ARNT2: variants seen among roughly 807,000 people sequenced by gnomAD.
ARNT2 encodes ARNT protein 2.
In ARNT2, 36 loss-of-function variants were observed where a neutral mutation model predicts 91.7. That is an observed-to-expected ratio of 0.39 (90% CI 0.30 to 0.52). The LOEUF is 0.52. Ranked by LOEUF, ARNT2 falls within the 20% of genes least tolerant of loss-of-function variation. ARNT2 has a pLI of 0.72. For missense variants in ARNT2, 775 were observed against 939.3 expected, an observed-to-expected ratio of 0.83 and a Z score of 2.29; for synonymous variants, 365 against 347.1, an observed-to-expected ratio of 1.05 and a Z score of -0.57.
chr15:80,576,776 C>G (rs968690155), intron 14 of ARNT2, 90 bp from the exon 15 acceptor site: 2 of 1,388,926 alleles, frequency 1.4e-6, no homozygotes, highest in African/African-American at 2.8e-5. Context: ...CGTTCCCACG[C>G]CCACCCCTGC....
intron 8 of ARNT2, among the ~76,000 whole-genome samples, chr15:80,535,272 G>A (rs2141445055): frequency 6.6e-6 from 1 of 152,282 alleles, no homozygotes; most frequent in African/African-American, 2.4e-5. Flanking sequence ...ACACGTGATT[G>A]CTGTTTTTGC....
intron 8 of ARNT2, among the ~76,000 whole-genome samples, chr15:80,530,121 A>G (rs1402788730): frequency 6.6e-6 from 1 of 152,138 alleles, no homozygotes; most frequent in East Asian, 1.9e-4. Flanking sequence ...TCGAGAGGTC[A>G]CTATGTGGTT....
In ARNT2 at chr15:80,581,395, C is replaced by G. The variant is rs542043974; in HGVS notation, c.1909C>G (p.Pro637Ala). 20 of 1,614,016 alleles carry G rather than the reference C, an allele frequency of 1.2e-5. No individual in the cohort carries two copies. Among genetic ancestry groups the G allele is most frequent in the Admixed American group, 1.0e-4 (6 of 59,994 alleles). ...NAYSSLANRT[P>A]GFAESGQSSG... ...CTACTCCAGTCTTGCCAACAGGACT[C>G]CAGGGTTCGGTAGGTGGGGAATGAG... The change falls in exon 17 of 19, where the codon CCA (proline) becomes GCA (alanine). Residue 637 changes from proline to alanine, a missense_variant. Physicochemically the swap from Pro to Ala is conservative, Grantham distance 27. This residue lies in a region of ARNT2 where 325 missense variants were observed against 359.9 expected (regional missense o/e 0.90). Coordinates refer to ENST00000303329, the MANE Select transcript of ARNT2 (RefSeq NM_014862.4).
At chr15:80,408,956 G>T (rs562739785) in intron 1 of ARNT2, among the ~76,000 whole-genome samples, 1 of 152,176 alleles carries the variant, frequency 6.6e-6, no homozygotes, top group South Asian at 2.1e-4. Flanking sequence ...AAAATTGAAA[G>T]GAAGGCACAG....
At chr15:80,529,125 T>G (rs991208148) in intron 8 of ARNT2, among the ~76,000 whole-genome samples, 3 of 152,240 alleles carry the variant, frequency 2.0e-5, no homozygotes, top group African/African-American at 7.2e-5. Flanking sequence ...ATTTCATGAC[T>G]TCTTGCAAGG....
At chr15:80,544,246 G>A (rs1897956663) in intron 8 of ARNT2, among the ~76,000 whole-genome samples, 1 of 152,156 alleles carries the variant, frequency 6.6e-6, no homozygotes, top group Non-Finnish European at 1.5e-5. Context: ...TTCATTATGG[G>A]TTGTATTTTC....
intron 5 of ARNT2, among the ~76,000 whole-genome samples, chr15:80,500,894 G>T (rs1287737496): frequency 2.0e-5 from 3 of 152,238 alleles, no homozygotes; most frequent in Non-Finnish European, 4.4e-5. Context: ...GATTTGGGCT[G>T]CAGGAAGTAC....
At position 80,548,406 on chromosome 15, in the gene ARNT2, A is replaced by AT. The variant is rs34558743; in HGVS notation, c.878-2791dup. 4.8e-3 allele frequency among the ~76,000 whole-genome samples: 724 copies of AT among 152,298 alleles called. 4 individuals are homozygous for AT. Among genetic ancestry groups the AT allele is most frequent in the Middle Eastern group, 0.024 (7 of 294 alleles). ...AATAATGCCCACTATCTCTACTACT[A>AT]TTCACAATTATAATAGACATATTAT... is the stretch of plus-strand genomic sequence containing the variant. On this transcript the variant is annotated intron_variant, in intron 8 of 18. Coordinates refer to ENST00000303329, the MANE Select transcript of ARNT2 (RefSeq NM_014862.4).
intron 1 of ARNT2, among the ~76,000 whole-genome samples, chr15:80,422,895 A>T (rs371725668): frequency 9.3e-4 from 142 of 152,330 alleles, no homozygotes; most frequent in African/African-American, 3.2e-3. Context: ...GTTAACCATG[A>T]TTATCACTTT....
chr15:80,549,352 T>TA (rs1330638866), intron 8 of ARNT2, among the ~76,000 whole-genome samples: 5 of 152,032 alleles, frequency 3.3e-5, no homozygotes, highest in Admixed American at 6.5e-5. Flanking sequence ...ACTCCAGAGG[T>TA]AAAAAAAGGT....
chr15:80,593,155 C>G (rs1279123476), intron 18 of ARNT2, among the ~76,000 whole-genome samples: 1 of 152,208 alleles, frequency 6.6e-6, no homozygotes, highest in African/African-American at 2.4e-5. Flanking sequence ...TTCAGGGATT[C>G]GTCCCTGCGC....
chr15:80,446,581 C>T (rs563044040), intron 1 of ARNT2, among the ~76,000 whole-genome samples: 19 of 152,320 alleles, frequency 1.2e-4, no homozygotes, highest in African/African-American at 4.6e-4. Flanking sequence ...CAGTGGGTGG[C>T]CAAACACGTA....
chr15:80,432,716 C>T (rs897201909), intron 1 of ARNT2, among the ~76,000 whole-genome samples: 1 of 151,996 alleles, frequency 6.6e-6, no homozygotes, highest in Non-Finnish European at 1.5e-5. Flanking sequence ...AACAATGTTC[C>T]CATGAACAGA....
intron 17 of ARNT2, among the ~76,000 whole-genome samples, chr15:80,587,963 A>G (rs774098654): frequency 1.1e-4 from 17 of 152,318 alleles, no homozygotes; most frequent in Middle Eastern, 6.8e-3. Context: ...ATGTTACTAC[A>G]TAGACCGCGG....
At chr15:80,582,977 G>A (rs1898826651) in intron 17 of ARNT2, among the ~76,000 whole-genome samples, 1 of 152,138 alleles carries the variant, frequency 6.6e-6, no homozygotes, top group South Asian at 2.1e-4. Flanking sequence ...GGCCTCCTGG[G>A]TACCTAGTCC....
At position 80,597,017 on chromosome 15, in the gene ARNT2, T is replaced by C. The variant is rs1228859846; in HGVS notation, c.*3319T>C. 2 of 402,742 alleles carry C rather than the reference T, an allele frequency of 5.0e-6. No individual in the cohort carries two copies. The highest frequency in any genetic ancestry group is 9.9e-6 in the Non-Finnish European group (2 of 202,634). The allele number at this position is 402,742 out of a possible 1,614,324, so 24.9% of individuals were successfully genotyped here. On this transcript the variant is annotated 3_prime_UTR_variant, in exon 19 of 19. Transcript: ENST00000303329. ...CTCCAACATACCAGATTCTACACTG[T>C]TGTTATTTCATGAGACGTGAATGTT...
intron 18 of ARNT2, among the ~76,000 whole-genome samples, chr15:80,592,789 A>G (rs1279401354): frequency 6.6e-6 from 1 of 152,254 alleles, no homozygotes; most frequent in Admixed American, 6.5e-5. Flanking sequence ...TGTAAGGCAG[A>G]ATTTCCTGAC....
At chr15:80,510,588 TG>T (rs373432324) in intron 6 of ARNT2, among the ~76,000 whole-genome samples, 42,930 of 151,126 alleles carry the variant, frequency 0.28, 8,176 homozygotes, top group Non-Finnish European at 0.4. Flanking sequence ...CCCAGCATTT[TG>T]GGAGGCCAAG....
intron 2 of ARNT2, among the ~76,000 whole-genome samples, chr15:80,455,073 T>G (rs1896461773): frequency 6.6e-6 from 1 of 152,190 alleles, no homozygotes; most frequent in Non-Finnish European, 1.5e-5. Context: ...GATGATTTAC[T>G]TAGACTTATA....
Sources: allele counts gnomAD v4.1 joint callset (sites outside exome capture counted in the v4.1 genomes callset), GRCh38; gene constraint gnomAD v4.1.1; regional missense constraint gnomAD v4.1.1; transcripts MANE v1.5; gene names NCBI Gene and HGNC (gene_info 2026-07-23, HGNC 2026-07-21).